Variants in ZNF638 observed in about 807,000 individuals in gnomAD.
ZNF638 encodes the protein zinc finger protein 638.
A neutral mutation model predicts 195.6 loss-of-function variants in ZNF638; 46 were observed. The observed-to-expected ratio is 0.24, with a 90% CI of 0.19 to 0.30. ZNF638 has a LOEUF of 0.30. Among genes scored for constraint, ZNF638 ranks in the 10% least tolerant of loss-of-function variants. The pLI, the probability that ZNF638 is intolerant of heterozygous loss-of-function variation, is 1.00. For synonymous variants in ZNF638, 845 were observed against 772.0 expected (o/e 1.09, Z -1.57); for missense variants, 2,440 against 2,325.3 (o/e 1.05, Z -1.01).
chr2:71,356,296 A>G (rs1162644059), intron 3 of ZNF638, among the ~76,000 whole-genome samples: 1 of 152,174 alleles, frequency 6.6e-6, no homozygotes, highest in Admixed American at 6.5e-5. Context: ...AAGACAGGGC[A>G]CCTGTGAAGT....
intron 10 of ZNF638, among the ~76,000 whole-genome samples, chr2:71,384,986 C>T (rs770644808): frequency 1.3e-5 from 2 of 152,102 alleles, no homozygotes; most frequent in Non-Finnish European, 2.9e-5. Context: ...AAAGCAATAT[C>T]GATTTCAGCT....
At chr2:71,397,281 T>C (rs1283855313) in intron 11 of ZNF638, among the ~76,000 whole-genome samples, 2 of 152,140 alleles carry the variant, frequency 1.3e-5, no homozygotes, top group African/African-American at 2.4e-5. Flanking sequence ...CAGATAGAAG[T>C]GATTTGTGAT....
intron 15 of ZNF638, among the ~76,000 whole-genome samples, chr2:71,401,142 C>T (rs907940364): frequency 6.6e-6 from 1 of 152,014 alleles, no homozygotes; most frequent in Non-Finnish European, 1.5e-5. Flanking sequence ...TTTATAGCAC[C>T]AATTTAGTGT....
At chr2:71,420,837 A>G (rs776028989) in intron 21 of ZNF638, among the ~76,000 whole-genome samples, 2 of 152,208 alleles carry the variant, frequency 1.3e-5, no homozygotes, top group African/African-American at 2.4e-5. Context: ...AGCAGATACT[A>G]GTTTTGGTAA....
chr2:71,379,143 A>G (rs2079489279), intron 8 of ZNF638, among the ~76,000 whole-genome samples: 2 of 152,220 alleles, frequency 1.3e-5, no homozygotes, highest in African/African-American at 4.8e-5. Flanking sequence ...AAAAGGTAGT[A>G]GTAGATTAGA....
chr2:71,410,992 C>CTCTTTT (rs2080207335), intron 20 of ZNF638, among the ~76,000 whole-genome samples: 2 of 24,506 alleles, frequency 8.2e-5, no homozygotes, highest in African/African-American at 1.5e-4. Flanking sequence ...CTCCCCCCCC[C>CTCTTTT]TTTTTTTTTT....
intron 6 of ZNF638, among the ~76,000 whole-genome samples, chr2:71,367,936 A>T (rs2079233962): frequency 6.6e-6 from 1 of 152,064 alleles, no homozygotes; most frequent in African/African-American, 2.4e-5. Context: ...TTATATATGA[A>T]TTTTTAAAAA....
intron 23 of ZNF638, among the ~76,000 whole-genome samples, chr2:71,425,818 C>A (rs1275063261): frequency 2.0e-5 from 3 of 152,060 alleles, no homozygotes; most frequent in Non-Finnish European, 4.4e-5. Flanking sequence ...GCATCTGCCA[C>A]CACACCCAGC....
chr2:71,374,976 G>A (rs2079394404), intron 8 of ZNF638: 1 of 150,934 alleles, frequency 6.6e-6, no homozygotes, highest in African/African-American at 2.4e-5. Flanking sequence ...ATGCCCTTTA[G>A]CAAGTTTTAT....
intron 10 of ZNF638, chr2:71,395,394 G>A: frequency 1.5e-6 from 1 of 682,136 alleles, no homozygotes; most frequent in Non-Finnish European, 2.7e-6. Flanking sequence ...AAAGTTATAA[G>A]GAGAGACGCA....
chr2:71,426,378 A>C, intron 23 of ZNF638, 82 bp from the exon 24 acceptor site: 1 of 999,106 alleles, frequency 1.0e-6, no homozygotes, highest in Non-Finnish European at 1.5e-6. Flanking sequence ...AATGATCTGC[A>C]TGCACATTTA....
chr2:71,400,334 T>C (rs2079981567), intron 14 of ZNF638, 144 bp from the exon 15 acceptor site: 9 of 1,038,632 alleles, frequency 8.7e-6, no homozygotes, highest in Non-Finnish European at 1.1e-5. Flanking sequence ...TAAAAGCCAA[T>C]GTCACTTTTG....
In ZNF638 at chr2:71,401,956, G is replaced by A; in HGVS notation, c.2698G>A (p.Glu900Lys). 1 of 1,552,284 alleles carries A rather than the reference G, an allele frequency of 6.4e-7. No homozygotes were observed. Among genetic ancestry groups the A allele is most frequent in the Non-Finnish European group, 8.7e-7 (1 of 1,150,620 alleles). Residue 900 changes from glutamate to lysine, a missense_variant and splice_region_variant, in exon 16 of 28, where the codon GAA becomes AAA. By Grantham distance (56) the Glu-to-Lys change is moderately conservative. Transcript: ENST00000264447. ...CAGGTTTTAAAAATTTGTTTTGAAG[G>A]AAACAGAAGAAATGTGTGTGATGCT... Reference protein sequence around the residue: ...EATENEPLNKETEEMCVMLVS... With the variant: ...EATENEPLNKKTEEMCVMLVS...
rs1291625640 is a variant in ZNF638 at position 71,405,079 on chromosome 2, T to G, written c.2959-522T>G. Among the ~76,000 whole-genome samples the G allele has an allele frequency of 2.6e-5, 4 of 151,956 alleles. No homozygotes were observed. The East Asian group carries it at 5.8e-4, about 22-fold the overall frequency. On this transcript the variant is annotated intron_variant, in intron 17 of 27. Coordinates refer to ENST00000264447, the MANE Select transcript of ZNF638 (RefSeq NM_014497.5). Reference sequence around the variant, plus strand: ...GAAAAAAAAAGTTTAGGATCCTCAGTCTTATAAAGTCCAAGTTCCTTTGCC... The same window carrying G: ...GAAAAAAAAAGTTTAGGATCCTCAGGCTTATAAAGTCCAAGTTCCTTTGCC...
At chr2:71,369,808 G>A in intron 7 of ZNF638, 75 bp from the exon 8 acceptor site, 1 of 1,433,610 alleles carries the variant, frequency 7.0e-7, no homozygotes, top group Non-Finnish European at 9.4e-7. Context: ...CAAAAGAAAG[G>A]ATTAAGCCCA....
intron 1 of ZNF638, among the ~76,000 whole-genome samples, chr2:71,337,394 A>G (rs112734182): frequency 4.7e-4 from 72 of 152,218 alleles, no homozygotes; most frequent in African/African-American, 1.7e-3. Context: ...ACCAACTTCA[A>G]TGAATTTCAC....
chr2:71,434,799 T>C lies in ZNF638; in HGVS notation c.5929T>C (p.Ser1977Pro). The change falls in exon 28 of 28, where the codon TCT (serine) becomes CCT (proline). Residue 1977 changes from serine to proline, a missense_variant. Coordinates refer to ENST00000264447, the MANE Select transcript of ZNF638 (RefSeq NM_014497.5). ...KEQNEAEERS[S>P]R Reference sequence around the variant, plus strand: ...GCAGAATGAGGCTGAAGAAAGAAGCTCTAGGTGATTGGGGGAAAGGAAAGA... The same window carrying C: ...GCAGAATGAGGCTGAAGAAAGAAGCCCTAGGTGATTGGGGGAAAGGAAAGA... 6.2e-7 allele frequency: 1 copy of C among 1,605,100 alleles called. No individual in the cohort carries two copies. Among genetic ancestry groups the C allele is most frequent in the Non-Finnish European group, 8.5e-7 (1 of 1,177,344 alleles).
intron 13 of ZNF638, 70 bp from the exon 14 acceptor site, chr2:71,400,042 C>G (rs2079975114): frequency 3.1e-6 from 4 of 1,277,106 alleles, no homozygotes; most frequent in Non-Finnish European, 4.3e-6. Context: ...AGCTTAAGTT[C>G]CTGTTTAGAT....
intron 3 of ZNF638, 46 bp from the exon 4 acceptor site, chr2:71,363,107 C>T (rs1326984590): frequency 3.6e-6 from 5 of 1,384,558 alleles, no homozygotes; most frequent in African/African-American, 2.9e-5. Flanking sequence ...TTGAGCCTTA[C>T]AGTCTGATTT....
Sources: allele counts gnomAD v4.1 joint callset (sites outside exome capture counted in the v4.1 genomes callset), GRCh38; gene constraint gnomAD v4.1.1; transcripts MANE v1.5; gene names NCBI Gene and HGNC (gene_info 2026-07-23, HGNC 2026-07-21).